ARFGEF3: variants seen among roughly 807,000 people sequenced by gnomAD.
ARFGEF3 encodes the protein brefeldin A-inhibited guanine nucleotide-exchange protein 3.
ARFGEF3 carries 96 observed loss-of-function variants against 221.7 expected under a neutral mutation model. The observed-to-expected ratio is 0.43, with a 90% CI of 0.37 to 0.51. ARFGEF3 has a LOEUF of 0.51. Ranked by LOEUF, ARFGEF3 falls within the 20% of genes least tolerant of loss-of-function variation. The probability of loss-of-function intolerance (pLI) is 0.00; values close to 1 mark genes in which losing one functional copy is unlikely to be tolerated. For synonymous variants in ARFGEF3, 1,145 were observed against 1,126.8 expected, an observed-to-expected ratio of 1.02 and a Z score of -0.32; for missense variants, 2,410 against 2,789.9, an observed-to-expected ratio of 0.86 and a Z score of 3.07.
intron 22 of ARFGEF3, among the ~76,000 whole-genome samples, chr6:138,303,506 A>C (rs1779662448): frequency 6.6e-6 from 1 of 152,136 alleles, no homozygotes; most frequent in Admixed American, 6.5e-5. Context: ...ACTAGGATAA[A>C]AAAGATAGAT....
At chr6:138,176,427 C>T (rs547903532) in intron 2 of ARFGEF3, among the ~76,000 whole-genome samples, 8 of 152,220 alleles carry the variant, frequency 5.3e-5, no homozygotes, top group Non-Finnish European at 7.4e-5. Context: ...GTGATCCACC[C>T]GCCTCGGCCT....
At chr6:138,197,629 C>A (rs1376300913) in intron 2 of ARFGEF3, among the ~76,000 whole-genome samples, 1 of 152,082 alleles carries the variant, frequency 6.6e-6, no homozygotes, top group African/African-American at 2.4e-5. Flanking sequence ...TTTTTAACTC[C>A]ATGATCATCT....
chr6:138,306,897 T>C lies in ARFGEF3; in HGVS notation c.3829-356T>C, dbSNP rs577606039. On this transcript the variant is annotated intron_variant, in intron 22 of 33. Transcript: ENST00000251691. ...ATTAAAAAGTAAAACTTTTAAAAAG[T>C]CCAAAGCTGTGGAAAAATATTTGCA... Among the ~76,000 whole-genome samples the C allele has an allele frequency of 8.4e-5, 12 of 142,220 alleles. No homozygotes were observed. In the South Asian group the frequency reaches 2.6e-3, roughly 31 times the overall value. 93.3% of individuals were successfully genotyped at this position (142,220 alleles called of 152,430 possible). A position where few individuals can be genotyped will look rare whatever the true frequency, so the allele number is the denominator to read the frequency against.
intron 26 of ARFGEF3, among the ~76,000 whole-genome samples, chr6:138,316,545 A>ATCTT (rs112250235): frequency 0.042 from 6,333 of 152,272 alleles, 116 homozygotes; most frequent in South Asian, 0.049. Flanking sequence ...GATCATGTAT[A>ATCTT]TCTTTGCTCT....
intron 4 of ARFGEF3, among the ~76,000 whole-genome samples, chr6:138,211,589 C>T (rs115507451): frequency 0.012 from 1,775 of 152,186 alleles, 29 homozygotes; most frequent in African/African-American, 0.04. Context: ...TATTAGGGCT[C>T]CAAATACTGG....
chr6:138,215,841 GGTGTGTGTGTGTGTGTGTGTGTGT>G (rs61141343), intron 4 of ARFGEF3: 16 of 121,200 alleles, frequency 1.3e-4, no homozygotes, highest in Non-Finnish European at 2.4e-4. Flanking sequence ...TAATCGGTCT[GGTGTGTGTGTGTGTGTGTGTGTGT>G]GTGTGTGTGT....
At chr6:138,331,018 C>A (rs1048445029) in intron 32 of ARFGEF3, among the ~76,000 whole-genome samples, 3 of 152,230 alleles carry the variant, frequency 2.0e-5, no homozygotes, top group African/African-American at 7.2e-5. Flanking sequence ...TCTTTTCTTC[C>A]TTTTTTCCTA....
chr6:138,191,846 C>T (rs1038145277), intron 2 of ARFGEF3, among the ~76,000 whole-genome samples: 1 of 152,166 alleles, frequency 6.6e-6, no homozygotes, highest in African/African-American at 2.4e-5. Context: ...CACCTAAATG[C>T]ACTTTCAGCG....
intron 5 of ARFGEF3, among the ~76,000 whole-genome samples, chr6:138,236,606 A>G (rs1411456282): frequency 6.6e-6 from 1 of 152,084 alleles, no homozygotes; most frequent in Non-Finnish European, 1.5e-5. Context: ...AGCTGGGACT[A>G]TAGGCGTGCA....
intron 8 of ARFGEF3, 56 bp downstream of exon 8, chr6:138,245,647 C>A: frequency 7.9e-7 from 1 of 1,264,400 alleles, no homozygotes; most frequent in Non-Finnish European, 1.1e-6. Flanking sequence ...TCTGAAATAA[C>A]CTTTGTCTGC....
At chr6:138,167,612 G>A (rs538861124) in intron 1 of ARFGEF3, among the ~76,000 whole-genome samples, 5 of 152,198 alleles carry the variant, frequency 3.3e-5, no homozygotes, top group South Asian at 2.1e-4. Context: ...TACCTAGTCC[G>A]TCACCCAAGC....
intron 22 of ARFGEF3, among the ~76,000 whole-genome samples, chr6:138,303,888 A>AAAT (rs35383841): frequency 2.6e-4 from 39 of 147,286 alleles, no homozygotes; most frequent in South Asian, 1.1e-3. Context: ...AAAAAAAAAA[A>AAAT]GATAATAGCA....
chr6:138,213,466 T>C (rs570962112), intron 4 of ARFGEF3, among the ~76,000 whole-genome samples: 3 of 151,522 alleles, frequency 2.0e-5, no homozygotes, highest in Non-Finnish European at 2.9e-5. Flanking sequence ...AAAAAAAATA[T>C]TGTCACTAAA....
chr6:138,274,742 C>T (rs1447736343), intron 12 of ARFGEF3, among the ~76,000 whole-genome samples: 2 of 145,506 alleles, frequency 1.4e-5, no homozygotes, highest in African/African-American at 5.2e-5. Flanking sequence ...TTGCGGTGAG[C>T]CAAGATCGCG....
rs1167155095 is a variant in ARFGEF3 at position 138,210,041 on chromosome 6, G to T, written c.351G>T (p.Lys117Asn). The stretch of plus-strand genomic sequence containing the variant: ...AGGACCTGCAGGTGGAAGTGATGAA[G>T]GTTGGTTTGACGTGGCCAAGAGTGT... Reference protein sequence around the residue: ...LNEDLQVEVMKVLLCITYTPT... With the variant: ...LNEDLQVEVMNVLLCITYTPT... Residue 117 changes from lysine to asparagine, a missense_variant and splice_region_variant, in exon 4 of 34, where the codon AAG becomes AAT. Lys to Asn is a moderately conservative substitution (Grantham distance 94, BLOSUM62 0). Transcript: ENST00000251691. 3 of 1,613,294 alleles carry T rather than the reference G, an allele frequency of 1.9e-6. No homozygotes were observed. Among genetic ancestry groups the T allele is most frequent in the South Asian group, 1.1e-5 (1 of 91,000 alleles).
At chr6:138,286,642 C>A in intron 15 of ARFGEF3, 59 bp from the exon 16 acceptor site, 1 of 1,372,378 alleles carries the variant, frequency 7.3e-7, no homozygotes, top group South Asian at 1.2e-5. Flanking sequence ...AATGTGATGT[C>A]ATTCATTGCC....
In ARFGEF3 at chr6:138,335,018, G is replaced by A. The variant is rs1159440167; in HGVS notation, c.6172G>A (p.Gly2058Ser). ...EKKGEPLGPR[G>S]QDSPLLQRPQ... ...GAAAGGAGAGCCACTGGGTCCCAGG[G>A]GCCAGGACTCCCCGCTGCTTCAGCG... The change falls in exon 33 of 34, where the codon GGC (glycine) becomes AGC (serine). Residue 2058 changes from glycine to serine, a missense_variant. By Grantham distance (56) the Gly-to-Ser change is moderately conservative. Coordinates refer to ENST00000251691, the MANE Select transcript of ARFGEF3 (RefSeq NM_020340.5). 6 of 1,591,494 alleles carry A rather than the reference G, an allele frequency of 3.8e-6. No homozygotes were observed. Among genetic ancestry groups the A allele is most frequent in the South Asian group, 2.3e-5 (2 of 86,948 alleles).
chr6:138,250,325 T>A lies in ARFGEF3; in HGVS notation c.666-3555T>A, dbSNP rs545794978. Among the ~76,000 whole-genome samples the A allele has an allele frequency of 2.6e-5, 4 of 152,332 alleles. No individual in the cohort carries two copies. In the East Asian group the frequency reaches 5.8e-4, roughly 22 times the overall value. On this transcript the variant is annotated intron_variant, in intron 8 of 33. Coordinates refer to ENST00000251691, the MANE Select transcript of ARFGEF3 (RefSeq NM_020340.5). ...GTTGAGTTACATGATGCTTTTTAAA[T>A]CCAAGAATTTCTGGAAGGATAATTG...
chr6:138,286,925 G>A lies in ARFGEF3; in HGVS notation c.2785+9G>A, dbSNP rs757797546. The A allele has an allele frequency of 9.3e-6, 15 of 1,612,082 alleles. No homozygotes were observed. Among genetic ancestry groups the A allele is most frequent in the Middle Eastern group, 1.9e-4 (1 of 5,214 alleles). ...GCTGAGCTGCGCTCTAGGTACCAGC[G>A]GGAGTAGTGTTCCCTGGCCGTGGTC... On this transcript the variant is annotated intron_variant, in intron 16 of 33. Coordinates refer to ENST00000251691, the MANE Select transcript of ARFGEF3 (RefSeq NM_020340.5).
Sources: gnomAD v4.1 joint callset for allele counts (sites outside exome capture counted in the v4.1 genomes callset) on GRCh38, gnomAD v4.1.1 for gene constraint, MANE v1.5 for transcripts, NCBI Gene and HGNC (gene_info 2026-07-23, HGNC 2026-07-21) for gene names.